The following ARHGEF10 variants were observed in gnomAD, a reference collection of about 807,000 sequenced individuals.
The protein encoded by ARHGEF10 is Rho guanine nucleotide exchange factor 10.
Under a neutral mutation model 147.4 loss-of-function variants are expected in ARHGEF10, and 140 were observed. The observed-to-expected ratio is 0.95, with a 90% CI of 0.83 to 1.09. ARHGEF10 has a LOEUF of 1.09. ARHGEF10 is among the 50% of genes least tolerant of loss of function. The pLI is 0.00. For synonymous variants in ARHGEF10, 902 were observed against 695.8 expected (o/e 1.30, Z -4.67); for missense variants, 2,222 against 1,752.7 (o/e 1.27, Z -4.78).
chr8:1,830,176 A>T (rs1307855075), intron 1 of ARHGEF10, among the ~76,000 whole-genome samples: 1 of 152,090 alleles, frequency 6.6e-6, no homozygotes, highest in East Asian at 1.9e-4. Context: ...CAGGGGAGGG[A>T]GGCTGTGTGC....
At position 1,880,167 on chromosome 8, in the gene ARHGEF10, A is replaced by G; in HGVS notation, c.960+3A>G. ...TCAGGCAGAAGCATGAACTGAAGGT[A>G]GAGTCTTGCCCCCGGCCGCTGCCCC... On this transcript the variant is annotated splice_donor_region_variant and intron_variant, in intron 9 of 28. Coordinates refer to ENST00000349830, the MANE Select transcript of ARHGEF10 (RefSeq NM_014629.4). 2 of 1,608,186 alleles carry G rather than the reference A, an allele frequency of 1.2e-6. No individual in the cohort carries two copies. Among genetic ancestry groups the G allele is most frequent in the Non-Finnish European group, 1.7e-6 (2 of 1,174,834 alleles).
At position 1,937,350 on chromosome 8, in the gene ARHGEF10, G is replaced by A. The variant is rs574231139; in HGVS notation, c.3222+3408G>A. On this transcript the variant is annotated intron_variant, in intron 26 of 28. Transcript: ENST00000349830. The surrounding 1 kb of genome is among the most constrained non-coding windows in gnomAD (Gnocchi z 4.9). ...GTACCCCATCAGTACAGCCATCCTA[G>A]TAATTGCGTATTTACAGAGGGAGCT... Among the ~76,000 whole-genome samples, 2 of 152,246 alleles carry A rather than the reference G, an allele frequency of 1.3e-5. No homozygotes were observed. Among genetic ancestry groups the A allele is most frequent in the East Asian group, 1.9e-4 (1 of 5,160 alleles).
At position 1,952,727 on chromosome 8, in the gene ARHGEF10, G is replaced by A. The variant is rs200243012; in HGVS notation, c.3420G>A (p.Thr1140=). The A allele has an allele frequency of 3.6e-5, 58 of 1,613,066 alleles. No homozygotes were observed. The highest frequency in any genetic ancestry group is 1.0e-4 in the Admixed American group (6 of 60,014). ...MLPGHQRLSV[T]SLLVCHGLLM... is the part of the protein sequence containing the mutation. ...CAGGGCACCAGCGGCTGTCGGTGACGAGCCTGCTCGTCTGCCACGGATTGC... is the reference window on the plus strand; with the variant it reads ...CAGGGCACCAGCGGCTGTCGGTGACAAGCCTGCTCGTCTGCCACGGATTGC... The change falls in exon 28 of 29, where the codon ACG becomes ACA. Residue 1140 remains threonine (T), a synonymous_variant. Transcript: ENST00000349830.
At position 1,853,545 on chromosome 8, in the gene ARHGEF10, A is replaced by C. The variant is rs116754290; in HGVS notation, c.38-4415A>C. The stretch of plus-strand genomic sequence containing the variant: ...CTTCAGCTGAATGGCTGGGTTCTGA[A>C]GCTGGGGTTTTGAGAAGCGGGAATT... On this transcript the variant is annotated intron_variant, in intron 2 of 28. Coordinates refer to ENST00000349830, the MANE Select transcript of ARHGEF10 (RefSeq NM_014629.4). 4.8e-3 allele frequency among the ~76,000 whole-genome samples: 735 copies of C among 152,320 alleles called. 3 individuals are homozygous for C. The highest frequency in any genetic ancestry group is 0.017 in the African/African-American group (690 of 41,566).
At chr8:1,890,321 G>C (rs1475854852) in intron 11 of ARHGEF10, among the ~76,000 whole-genome samples, 7 of 148,624 alleles carry the variant, frequency 4.7e-5, no homozygotes, top group African/African-American at 1.8e-4. Context: ...GGTGAGGGTT[G>C]TGAGCAGATA....
At position 1,909,321 on chromosome 8, in the gene ARHGEF10, G is replaced by C; in HGVS notation, c.1994G>C (p.Ser665Thr). ...CCCTCTCATGACAGCCGTGTGATGA[G>C]CAGCCAGAGGTACTTGCTGAAGTGG... ...SRPSHDSRVM[S>T]SQRYLLKWSV... is the part of the protein sequence containing the mutation. The change falls in exon 18 of 29, where the codon AGC (serine) becomes ACC (threonine). Residue 665 changes from serine (S) to threonine (T), a missense_variant. By Grantham distance (58) the Ser-to-Thr change is moderately conservative. Transcript: ENST00000349830. The C allele has an allele frequency of 1.2e-6, 2 of 1,614,220 alleles. No individual in the cohort carries two copies. The highest frequency in any genetic ancestry group is 1.7e-6 in the Non-Finnish European group (2 of 1,180,044).
intron 4 of ARHGEF10, among the ~76,000 whole-genome samples, chr8:1,861,313 T>C (rs915361213): frequency 6.6e-6 from 1 of 152,228 alleles, no homozygotes; most frequent in African/African-American, 2.4e-5. Flanking sequence ...CAGCGTGCAG[T>C]CCGTGGCTGC....
At chr8:1,849,262 CT>C (rs1804789229) in intron 2 of ARHGEF10, among the ~76,000 whole-genome samples, 1 of 151,912 alleles carries the variant, frequency 6.6e-6, no homozygotes, top group Non-Finnish European at 1.5e-5. Flanking sequence ...ACGGCAAATG[CT>C]GAGAAGGGCG....
chr8:1,877,791 C>T (rs67348529), intron 8 of ARHGEF10, among the ~76,000 whole-genome samples: 19,071 of 151,776 alleles, frequency 0.13, 1,520 homozygotes, highest in South Asian at 0.28. Context: ...TGTCTGTGTA[C>T]TTTCTGTGTG....
chr8:1,845,537 A>T (rs1009923761), intron 2 of ARHGEF10, among the ~76,000 whole-genome samples: 2 of 152,228 alleles, frequency 1.3e-5, no homozygotes, highest in African/African-American at 4.8e-5. Flanking sequence ...TCTGCAGGTA[A>T]GCGTGGAGGA....
intron 2 of ARHGEF10, 73 bp from the exon 3 acceptor site, chr8:1,857,886 CT>C: frequency 3.3e-6 from 3 of 904,844 alleles, no homozygotes; most frequent in Admixed American, 4.1e-5. Flanking sequence ...ATCGATCTAT[CT>C]ATCTATCTAT....
chr8:1,860,164 C>T lies in ARHGEF10; in HGVS notation c.461C>T (p.Ala154Val). 6.2e-7 allele frequency: 1 copy of T among 1,613,568 alleles called. No individual in the cohort carries two copies. Among genetic ancestry groups the T allele is most frequent in the Non-Finnish European group, 8.5e-7 (1 of 1,179,954 alleles). The change falls in exon 4 of 29, where the codon GCC becomes GTC. Residue 154 changes from alanine (A) to valine (V), a missense_variant. Transcript: ENST00000349830. ...PAYSSPVIICATSLDEEETPE... is the reference protein window; with the variant it reads ...PAYSSPVIICVTSLDEEETPE... The stretch of plus-strand genomic sequence containing the variant: ...TACTCCAGCCCGGTCATCATCTGCG[C>T]CACGTCCCTGGACGAAGAAGGTACT...
chr8:1,841,836 ACG>A (rs1804064549), intron 1 of ARHGEF10, among the ~76,000 whole-genome samples: 2 of 74,724 alleles, frequency 2.7e-5, no homozygotes, highest in East Asian at 4.3e-4. Flanking sequence ...TGGGGCCGCG[ACG>A]GGAACTGGGG....
chr8:1,875,200 G>A (rs181594609), intron 7 of ARHGEF10, among the ~76,000 whole-genome samples: 21 of 128,602 alleles, frequency 1.6e-4, no homozygotes, highest in Non-Finnish European at 3.3e-4. Flanking sequence ...GGGCTGTGTC[G>A]GGGATAGAGG....
intron 2 of ARHGEF10, 50 bp from the exon 3 acceptor site, chr8:1,857,910 C>CTATCTATCTATA (rs1563185622): frequency 7.4e-7 from 1 of 1,357,024 alleles, no homozygotes; most frequent in Non-Finnish European, 1.1e-6. Flanking sequence ...ATCTATCTAT[C>CTATCTATCTATA]TATCTATCTA....
intron 26 of ARHGEF10, among the ~76,000 whole-genome samples, chr8:1,943,193 G>A (rs1052395780): frequency 6.6e-6 from 1 of 152,182 alleles, no homozygotes. Flanking sequence ...CAGCCCAGCC[G>A]GAAAGGGGCA....
At chr8:1,941,279 C>T (rs1032077738) in intron 26 of ARHGEF10, among the ~76,000 whole-genome samples, 7 of 152,124 alleles carry the variant, frequency 4.6e-5, no homozygotes, top group Admixed American at 1.3e-4. Flanking sequence ...GGCACAAGAT[C>T]GGTATACAAA....
rs1164693701 is a variant in ARHGEF10, at chr8:1,916,824, G to GCA, written c.2144-6140_2144-6139insCA. Among the ~76,000 whole-genome samples the GCA allele has an allele frequency of 2.1e-4, 32 of 152,186 alleles. 1 individual carries two copies. Among genetic ancestry groups the GCA allele is most frequent in the Non-Finnish European group, 8.8e-5 (6 of 68,032 alleles). ...TGTTGAAAACACTAAAACGTTTAAA[G>GCA]ACAGTAAGAATGACCTGTAATTCTT... is the stretch of plus-strand genomic sequence containing the variant. On this transcript the variant is annotated intron_variant, in intron 18 of 28. Coordinates refer to ENST00000349830, the MANE Select transcript of ARHGEF10 (RefSeq NM_014629.4).
At chr8:1,853,605 C>T (rs960231385) in intron 2 of ARHGEF10, among the ~76,000 whole-genome samples, 3 of 152,232 alleles carry the variant, frequency 2.0e-5, no homozygotes, top group East Asian at 1.9e-4. Flanking sequence ...TTGTGGGAAC[C>T]GACCCAGCCC....
Sources: gnomAD v4.1 joint callset for allele counts (sites outside exome capture counted in the v4.1 genomes callset) on GRCh38, gnomAD v4.1.1 for gene constraint, Gnocchi (gnomAD v3.1) non-coding constraint, MANE v1.5 for transcripts, NCBI Gene and HGNC (gene_info 2026-07-23, HGNC 2026-07-21) for gene names.